PDILT: variants seen among roughly 807,000 people sequenced by gnomAD.
PDILT encodes the protein protein disulfide-isomerase-like protein of the testis.
In PDILT, 43 loss-of-function variants were observed where a neutral mutation model predicts 53.7. The ratio of observed to expected loss-of-function variants is 0.80; its 90% CI spans 0.63 to 1.03. The LOEUF (loss-of-function observed/expected upper bound fraction) is 1.03, where lower values mean the gene tolerates loss of function less well. PDILT is among the 50% of genes least tolerant of loss of function. PDILT has a pLI of 0.00. For synonymous variants in PDILT, 282 were observed against 274.2 expected, an observed-to-expected ratio of 1.03 and a Z score of -0.28; for missense variants, 727 against 712.3, an observed-to-expected ratio of 1.02 and a Z score of -0.24.
intron 1 of PDILT, among the ~76,000 whole-genome samples, chr16:20,403,202 T>C (rs567497895): frequency 1.3e-5 from 2 of 152,274 alleles, no homozygotes; most frequent in African/African-American, 4.8e-5. Context: ...GAGGGTGTGG[T>C]AACCTCCTTA....
rs1162990086 is a variant in PDILT at position 20,399,273 on chromosome 16, G to T, written c.28C>A (p.Leu10Met). Residue 10 changes from leucine (L) to methionine (M), a missense_variant, in exon 2 of 12, where the codon CTG becomes ATG. Transcript: ENST00000302451. MDLLWMPLL[L>M]VAACVSAVHS... Reference sequence around the variant, plus strand: ...ACAGCAGAGACACAAGCGGCCACCAGCAGCAGGGGCATCCAGAGTAGGTCC... The same window carrying T: ...ACAGCAGAGACACAAGCGGCCACCATCAGCAGGGGCATCCAGAGTAGGTCC... 6.2e-7 allele frequency: 1 copy of T among 1,613,934 alleles called. No individual in the cohort carries two copies. Among genetic ancestry groups the T allele is most frequent in the Non-Finnish European group, 8.5e-7 (1 of 1,179,922 alleles).
intron 6 of PDILT, 23 bp downstream of exon 6, chr16:20,372,989 C>T (rs1966328880): frequency 6.2e-7 from 1 of 1,613,668 alleles, no homozygotes; most frequent in South Asian, 1.1e-5. Flanking sequence ...TCCCCTTCCT[C>T]CGGGGACCAT....
At chr16:20,379,423 C>T (rs1966429955) in intron 3 of PDILT, among the ~76,000 whole-genome samples, 1 of 152,206 alleles carries the variant, frequency 6.6e-6, no homozygotes, top group South Asian at 2.1e-4. Context: ...GCCTCAGCCT[C>T]CCAAAGTGCT....
intron 2 of PDILT, among the ~76,000 whole-genome samples, chr16:20,396,998 A>C (rs1966670063): frequency 6.6e-6 from 1 of 152,248 alleles, no homozygotes; most frequent in East Asian, 1.9e-4. Context: ...ACAGGTGAGA[A>C]AACTGGCGAG....
chr16:20,394,758 T>C (rs1168414843), intron 2 of PDILT, among the ~76,000 whole-genome samples: 1 of 152,224 alleles, frequency 6.6e-6, no homozygotes, highest in East Asian at 1.9e-4. Flanking sequence ...AGGCACATCC[T>C]CGTCTCCCTC....
intron 10 of PDILT, among the ~76,000 whole-genome samples, chr16:20,361,522 C>T (rs550134199): frequency 6.6e-6 from 1 of 152,238 alleles, no homozygotes; most frequent in South Asian, 2.1e-4. Flanking sequence ...CTGCTTAATG[C>T]CCACAGGTCA....
rs139856183 is a variant in PDILT at position 20,370,721 on chromosome 16, G to A, written c.919-1032C>T. On this transcript the variant is annotated intron_variant, in intron 7 of 11. Transcript: ENST00000302451. ...TAGTCACAGAATGAGATAGGAGGTC[G>A]GCACAAGATACAGGTCATAAAGACC... Among the ~76,000 whole-genome samples, 131 of 152,170 alleles carry A rather than the reference G, an allele frequency of 8.6e-4. No homozygotes were observed. The East Asian group carries it at 0.014, about 17-fold the overall frequency.
At chr16:20,399,052 AG>A in intron 2 of PDILT, 46 bp downstream of exon 2, 1 of 1,602,190 alleles carries the variant, frequency 6.2e-7, no homozygotes, top group Non-Finnish European at 8.6e-7. Flanking sequence ...ACAAGGAGGC[AG>A]GCCTCATCCC....
chr16:20,401,413 TTAG>T (rs1846378811), intron 1 of PDILT, among the ~76,000 whole-genome samples: 1 of 152,120 alleles, frequency 6.6e-6, no homozygotes, highest in African/African-American at 2.4e-5. Flanking sequence ...TACTAGAGAG[TTAG>T]TTTTTATTCT....
At chr16:20,395,857 C>T (rs1467686458) in intron 2 of PDILT, among the ~76,000 whole-genome samples, 2 of 152,196 alleles carry the variant, frequency 1.3e-5, no homozygotes, top group African/African-American at 4.8e-5. Flanking sequence ...CACCAGCTCC[C>T]CCTTCACCTT....
Position 20,384,416 on chromosome 16 carries a change from G to A in PDILT, c.409+229C>T, listed in dbSNP as rs1036048701. Among the ~76,000 whole-genome samples the A allele has an allele frequency of 9.9e-5, 15 of 152,132 alleles. 1 individual carries two copies. In the South Asian group the frequency reaches 2.9e-3, roughly 29 times the overall value. On this transcript the variant is annotated intron_variant, in intron 3 of 11. Coordinates refer to ENST00000302451, the MANE Select transcript of PDILT (RefSeq NM_174924.2). ...TGATACTTACCACTGTTCATGGCCAGGGCCATGAACAGTACCCGTGGTGAC... is the reference window on the plus strand; with the variant it reads ...TGATACTTACCACTGTTCATGGCCAAGGCCATGAACAGTACCCGTGGTGAC...
In PDILT at chr16:20,399,318, C is replaced by T. The variant is rs188022746; in HGVS notation, c.-7-11G>A. On this transcript the variant is annotated splice_polypyrimidine_tract_variant and intron_variant, in intron 1 of 11. Transcript: ENST00000302451. Reference sequence around the variant, plus strand: ...AGGTCCATGGCTGTCCTGCAGGGGCCGGAGAAGGAACAGAGACCTTATCAA... The same window carrying T: ...AGGTCCATGGCTGTCCTGCAGGGGCTGGAGAAGGAACAGAGACCTTATCAA... 129 of 1,612,822 alleles carry T rather than the reference C, an allele frequency of 8.0e-5. 1 individual carries two copies. The East Asian group carries it at 1.2e-3, about 15-fold the overall frequency.
At chr16:20,402,314 T>TTTCTG (rs1293984640) in intron 1 of PDILT, among the ~76,000 whole-genome samples, 1 of 152,028 alleles carries the variant, frequency 6.6e-6, no homozygotes, top group Non-Finnish European at 1.5e-5. Context: ...TTTCTTTTCT[T>TTTCTG]TTGAGACAGG....
intron 1 of PDILT, among the ~76,000 whole-genome samples, chr16:20,399,842 A>T (rs972639120): frequency 6.6e-6 from 1 of 151,980 alleles, no homozygotes; most frequent in Non-Finnish European, 1.5e-5. Context: ...TTAAAAAGTC[A>T]TAACTATAAT....
At chr16:20,364,068 C>T (rs1421176443) in intron 9 of PDILT, among the ~76,000 whole-genome samples, 2 of 152,338 alleles carry the variant, frequency 1.3e-5, no homozygotes, top group Admixed American at 1.3e-4. Flanking sequence ...GCATCTCTGG[C>T]AGCCCCCCTA....
In PDILT at chr16:20,392,162, C is replaced by G. The variant is rs544434553; in HGVS notation, c.202+6937G>C. Among the ~76,000 whole-genome samples, 3 of 152,126 alleles carry G rather than the reference C, an allele frequency of 2.0e-5. 1 individual carries two copies. In the South Asian group the frequency reaches 6.2e-4, roughly 32 times the overall value. ...TGCAAAGGGATTTAGAAAGTGGCAT[C>G]CACAGGACGTGGTGATGGATTACAT... On this transcript the variant is annotated intron_variant, in intron 2 of 11. Transcript: ENST00000302451.
intron 2 of PDILT, among the ~76,000 whole-genome samples, chr16:20,392,352 A>G (rs185719508): frequency 1.7e-4 from 26 of 152,274 alleles, no homozygotes; most frequent in Admixed American, 5.2e-4. Context: ...ACATGTGGAC[A>G]ATGTGGGACT....
chr16:20,401,912 C>T lies in PDILT; in HGVS notation c.-8+2584G>A, dbSNP rs369131404. Among the ~76,000 whole-genome samples, 34 of 152,348 alleles carry T rather than the reference C, an allele frequency of 2.2e-4. No individual in the cohort carries two copies. The East Asian group carries it at 2.7e-3, about 12-fold the overall frequency. On this transcript the variant is annotated intron_variant, in intron 1 of 11. Coordinates refer to ENST00000302451, the MANE Select transcript of PDILT (RefSeq NM_174924.2). ...CAGGTTTCCTGCTAACCTGGGCAGG[C>T]TGGATCATAAGCCTCAAATGTTTCC...
intron 3 of PDILT, among the ~76,000 whole-genome samples, 183 bp downstream of exon 3, chr16:20,384,462 T>C (rs1291235610): frequency 6.6e-6 from 1 of 152,108 alleles, no homozygotes; most frequent in Non-Finnish European, 1.5e-5. Flanking sequence ...TTACCCCAAC[T>C]GCTGGCTGGA....
Sources: allele counts gnomAD v4.1 joint callset (sites outside exome capture counted in the v4.1 genomes callset), GRCh38; gene constraint gnomAD v4.1.1; transcripts MANE v1.5; gene names NCBI Gene and HGNC (gene_info 2026-07-23, HGNC 2026-07-21).